NOP2: variants seen among roughly 807,000 people sequenced by gnomAD.
The protein encoded by NOP2 is NOP2 nucleolar protein.
In NOP2, 7 loss-of-function variants were observed where a neutral mutation model predicts 72.7. The ratio of observed to expected loss-of-function variants is 0.10; its 90% CI spans 0.05 to 0.18. NOP2 has a LOEUF of 0.18. Among genes scored for constraint, NOP2 ranks in the 10% least tolerant of loss-of-function variants. The pLI is 1.00. For missense variants in NOP2, 954 were observed against 1,014.7 expected, an observed-to-expected ratio of 0.94 and a Z score of 0.81; for synonymous variants, 387 against 388.0, an observed-to-expected ratio of 1.00 and a Z score of 0.03.
chr12:6,567,213 G>T lies in NOP2; in HGVS notation c.104-391C>A, dbSNP rs1299918010. Among the ~76,000 whole-genome samples the T allele has an allele frequency of 2.0e-5, 3 of 152,148 alleles. No individual in the cohort carries two copies. The South Asian group carries it at 6.2e-4, about 32-fold the overall frequency. On this transcript the variant is annotated intron_variant, in intron 2 of 15. Coordinates refer to ENST00000322166, the MANE Select transcript of NOP2 (RefSeq NM_001258308.2). ...GATCCACCTGCCTCGGCCTCCCAAA[G>T]TGTTTCCTTAATAGTGCCTCTCTCA...
Position 6,561,080 on chromosome 12 carries a change from G to C in NOP2, c.1208-10C>G. The C allele has an allele frequency of 1.2e-6, 2 of 1,613,782 alleles. No individual in the cohort carries two copies. The highest frequency in any genetic ancestry group is 1.3e-5 in the African/African-American group (1 of 75,034). ...TTCTTCATCAGCTGGGCTAAAGAGA[G>C]GGCAGTAACAGTGCTGATCAGCCAG... On this transcript the variant is annotated splice_polypyrimidine_tract_variant and intron_variant, in intron 11 of 15. Coordinates refer to ENST00000322166, the MANE Select transcript of NOP2 (RefSeq NM_001258308.2).
At chr12:6,562,055 C>T in intron 9 of NOP2, 84 bp from the exon 10 acceptor site, 1 of 1,023,602 alleles carries the variant, frequency 9.8e-7, no homozygotes, top group Non-Finnish European at 1.5e-6. Flanking sequence ...GTGGCGCAAT[C>T]TCGGCTCACA....
intron 5 of NOP2, among the ~76,000 whole-genome samples, chr12:6,565,541 T>C (rs536182146): frequency 9.9e-5 from 15 of 152,122 alleles, no homozygotes; most frequent in Admixed American, 2.6e-4. Flanking sequence ...GGTTTCGCCA[T>C]ATTGTCCAGG....
intron 2 of NOP2, 122 bp from the exon 3 acceptor site, chr12:6,566,944 G>A (rs1416005840): frequency 1.0e-5 from 8 of 772,838 alleles, no homozygotes; most frequent in Non-Finnish European, 1.7e-5. Flanking sequence ...TTAAATCTCA[G>A]CCCTGTTATT....
At chr12:6,563,004 T>TA in intron 9 of NOP2, 77 bp downstream of exon 9, 2 of 1,386,130 alleles carry the variant, frequency 1.4e-6, no homozygotes, top group Non-Finnish European at 2.0e-6. Flanking sequence ...CCAGTCAGGG[T>TA]AGCACAGAGG....
intron 11 of NOP2, 120 bp downstream of exon 11, chr12:6,561,544 C>A: frequency 7.5e-7 from 1 of 1,336,800 alleles, no homozygotes; most frequent in Admixed American, 2.1e-5. Context: ...TCCTCACCAC[C>A]CTGCTAGCTA....
At chr12:6,564,665 G>A (rs1417651624) in intron 5 of NOP2, among the ~76,000 whole-genome samples, 5 of 151,554 alleles carry the variant, frequency 3.3e-5, no homozygotes, top group Admixed American at 2.6e-4. Context: ...CTGACCTCAG[G>A]TGATCCGCCC....
intron 15 of NOP2, chr12:6,558,074 G>A (rs771440105): frequency 1.5e-4 from 53 of 363,568 alleles, no homozygotes; most frequent in Non-Finnish European, 2.5e-4. Context: ...CTGGAAGGTG[G>A]AGGTTGCAAT....
At position 6,564,278 on chromosome 12, in the gene NOP2, A is replaced by AG. The variant is rs1378366962; in HGVS notation, c.475-333_475-332insC. The stretch of plus-strand genomic sequence containing the variant: ...GCAACAGAGAAAGACTTCATCTCAA[A>AG]AAAAAAAAAAAAAAACCTAAGTAAT... On this transcript the variant is annotated intron_variant, in intron 5 of 15. Transcript: ENST00000322166. 1.3e-5 allele frequency: 3 copies of AG among 235,388 alleles called. No individual in the cohort carries two copies. In the East Asian group the frequency reaches 3.5e-4, roughly 27 times the overall value. 14.6% of individuals were successfully genotyped at this position (235,388 alleles called of 1,614,324 possible).
Position 6,567,926 on chromosome 12 carries a change from T to C in NOP2, c.-4-4A>G. 1 of 1,610,746 alleles carries C rather than the reference T, an allele frequency of 6.2e-7. No individual in the cohort carries two copies. The highest frequency in any genetic ancestry group is 8.5e-7 in the Non-Finnish European group (1 of 1,177,830). Reference sequence around the variant, plus strand: ...GTCCAACTTGCGCCCCATGGTACTGTGGCAGGCAGAAATGGGAGAAGGTGG... The same window carrying C: ...GTCCAACTTGCGCCCCATGGTACTGCGGCAGGCAGAAATGGGAGAAGGTGG... On this transcript the variant is annotated splice_region_variant and splice_polypyrimidine_tract_variant and intron_variant, in intron 1 of 15. Coordinates refer to ENST00000322166, the MANE Select transcript of NOP2 (RefSeq NM_001258308.2).
rs1376620898 is a variant in NOP2 at position 6,563,806 on chromosome 12, AC to A, written c.531-36del. ...GGTCCAGGAACAGAGTGATTCACAG[AC>A]CAAAACAGATACCTCCTCCTTCCTC... On this transcript the variant is annotated intron_variant, in intron 6 of 15. Transcript: ENST00000322166. 8 of 1,612,642 alleles carry A rather than the reference AC, an allele frequency of 5.0e-6. No individual in the cohort carries two copies. In the Admixed American group the frequency reaches 1.0e-4, roughly 20 times the overall value.
intron 11 of NOP2, 146 bp from the exon 12 acceptor site, chr12:6,561,216 A>G: frequency 1.1e-6 from 1 of 940,302 alleles, no homozygotes; most frequent in Non-Finnish European, 1.6e-6. Context: ...GTATAGGCTG[A>G]TCCACTCTGC....
chr12:6,565,576 G>T (rs1472053708), intron 5 of NOP2, among the ~76,000 whole-genome samples: 1 of 152,076 alleles, frequency 6.6e-6, no homozygotes, highest in Non-Finnish European at 1.5e-5. Flanking sequence ...CGGAGCTCAG[G>T]TGATCCGCCC....
At chr12:6,559,468 C>CG (rs890712685) in intron 15 of NOP2, among the ~76,000 whole-genome samples, 15 of 152,150 alleles carry the variant, frequency 9.9e-5, no homozygotes, top group African/African-American at 3.6e-4. Flanking sequence ...TTCACCGTGT[C>CG]GAATTCCTGA....
chr12:6,559,976 T>C, intron 15 of NOP2, 122 bp downstream of exon 15: 3 of 728,864 alleles, frequency 4.1e-6, no homozygotes, highest in Admixed American at 5.3e-5. Context: ...CAGCCAAGCA[T>C]GCAAAGGCTG....
At chr12:6,568,135 G>A (rs1169212255) in intron 1 of NOP2, 72 bp downstream of exon 1, 4 of 578,290 alleles carry the variant, frequency 6.9e-6, no homozygotes, top group East Asian at 5.9e-5. Flanking sequence ...CCCAGGTAGC[G>A]CACCCTTCTC....
chr12:6,566,249 G>A lies in NOP2; in HGVS notation c.326C>T (p.Pro109Leu), dbSNP rs527906046. The A allele has an allele frequency of 1.2e-6, 2 of 1,613,834 alleles. No homozygotes were observed. The highest frequency in any genetic ancestry group is 2.7e-5 in the African/African-American group (2 of 74,896). ...CTCCTCCTCTTCCTCATCACTGCCA[G>A]GTGCTGGGCGCTTCTTGCCTCGAGG... ...NAPRGKKRPA[P>L]GSDEEEEEED... Residue 109 changes from proline (P) to leucine (L), a missense_variant, in exon 5 of 16, where the codon CCT (proline) becomes CTT (leucine). Physicochemically the swap from Pro to Leu is moderately conservative, Grantham distance 98. Transcript: ENST00000322166.
At chr12:6,566,871 A>T (rs1310139305) in intron 2 of NOP2, 49 bp from the exon 3 acceptor site, 2 of 1,478,992 alleles carry the variant, frequency 1.4e-6, no homozygotes, top group South Asian at 2.4e-5. Context: ...GGGACATTAA[A>T]AATAAATGGG....
chr12:6,565,345 CTTT>C (rs765750969), intron 5 of NOP2, among the ~76,000 whole-genome samples: 1 of 145,274 alleles, frequency 6.9e-6, no homozygotes, highest in African/African-American at 2.5e-5. Context: ...TTTAACTTAA[CTTT>C]TTTTTTTTTT....
Sources: allele counts gnomAD v4.1 joint callset (sites outside exome capture counted in the v4.1 genomes callset), GRCh38; gene constraint gnomAD v4.1.1; transcripts MANE v1.5; gene names NCBI Gene and HGNC (gene_info 2026-07-23, HGNC 2026-07-21).